The following HLTF variants were observed in gnomAD, a reference collection of about 807,000 sequenced individuals.
HLTF encodes the protein helicase like transcription factor.
HLTF carries 127 observed loss-of-function variants against 129.4 expected under a neutral mutation model. The ratio of observed to expected loss-of-function variants is 0.98; its 90% CI spans 0.85 to 1.14. HLTF has a LOEUF of 1.14. Ranked by LOEUF, HLTF falls within the 50% of genes most tolerant of loss-of-function variation. The probability of loss-of-function intolerance (pLI) is 0.00; values close to 1 mark genes in which losing one functional copy is unlikely to be tolerated. For synonymous variants in HLTF, 332 were observed against 388.8 expected (o/e 0.85, Z 1.72); for missense variants, 1,139 against 1,187.1 (o/e 0.96, Z 0.60).
At chr3:149,032,820 G>A (rs762903392) in intron 24 of HLTF, among the ~76,000 whole-genome samples, 9 of 152,026 alleles carry the variant, frequency 5.9e-5, no homozygotes, top group East Asian at 1.9e-4. Flanking sequence ...AAAGTTAGCC[G>A]GGCATGGTGG....
In HLTF at chr3:149,039,604, C is replaced by T. The variant is rs764911735; in HGVS notation, c.2592G>A (p.Leu864=). ...ACTTAAGTGGTATTTCTATTAAAGA[C>T]AGGAATGTTGTAAACTGAGAAACAA... ...SLVVSQFTTF[L]SLIEIPLKAS... Residue 864 remains leucine, a synonymous_variant, in exon 22 of 25, where the codon CTG becomes CTA. Coordinates refer to ENST00000310053, the MANE Select transcript of HLTF (RefSeq NM_003071.4). The T allele has an allele frequency of 1.9e-6, 3 of 1,565,006 alleles. No individual in the cohort carries two copies. The highest frequency in any genetic ancestry group is 1.8e-5 in the Admixed American group (1 of 57,120).
intron 7 of HLTF, 38 bp from the exon 8 acceptor site, chr3:149,068,373 G>A (rs1300047388): frequency 1.1e-6 from 1 of 947,062 alleles, no homozygotes; most frequent in Non-Finnish European, 1.6e-6. Flanking sequence ...GTCAGATTGT[G>A]AAACCCAGTT....
chr3:149,040,163 A>C lies in HLTF; in HGVS notation c.2377-7T>G. On this transcript the variant is annotated splice_polypyrimidine_tract_variant and splice_region_variant and intron_variant, in intron 20 of 24. Coordinates refer to ENST00000310053, the MANE Select transcript of HLTF (RefSeq NM_003071.4). ...AAGGGCATTTAGCATGTGGCTATAT[A>C]AGAAAGAACGAAGTATGAGCAACAC... is the stretch of plus-strand genomic sequence containing the variant. 6.2e-7 allele frequency: 1 copy of C among 1,602,978 alleles called. No individual in the cohort carries two copies. Among genetic ancestry groups the C allele is most frequent in the African/African-American group, 1.3e-5 (1 of 74,794 alleles).
At position 149,060,868 on chromosome 3, in the gene HLTF, A is replaced by G; in HGVS notation, c.1161-10T>C. On this transcript the variant is annotated splice_polypyrimidine_tract_variant and intron_variant, in intron 10 of 24. Coordinates refer to ENST00000310053, the MANE Select transcript of HLTF (RefSeq NM_003071.4). ...GACAGCAGTTTTTCTTCTAAAATTA[A>G]GTATACACAAAGAAATTTTTGGACC... 1 of 1,588,836 alleles carries G rather than the reference A, an allele frequency of 6.3e-7. No individual in the cohort carries two copies. The highest frequency in any genetic ancestry group is 8.6e-7 in the Non-Finnish European group (1 of 1,162,842).
intron 23 of HLTF, among the ~76,000 whole-genome samples, chr3:149,035,952 G>A (rs1715574660): frequency 6.6e-6 from 1 of 150,986 alleles, no homozygotes; most frequent in Admixed American, 6.6e-5. Flanking sequence ...TGGCTAACAC[G>A]GTGAAACCCC....
At chr3:149,041,011 A>C (rs1716088836) in intron 20 of HLTF, among the ~76,000 whole-genome samples, 1 of 152,170 alleles carries the variant, frequency 6.6e-6, no homozygotes, top group African/African-American at 2.4e-5. Flanking sequence ...AATAGCCAAT[A>C]ATCACATGGG....
intron 10 of HLTF, among the ~76,000 whole-genome samples, chr3:149,061,749 T>C (rs915088363): frequency 6.6e-6 from 1 of 151,534 alleles, no homozygotes; most frequent in African/African-American, 2.4e-5. Flanking sequence ...GGCAGGAGAA[T>C]TGCTTGAACC....
intron 14 of HLTF, among the ~76,000 whole-genome samples, chr3:149,054,097 C>T (rs1254323190): frequency 6.6e-6 from 1 of 151,958 alleles, no homozygotes; most frequent in African/African-American, 2.4e-5. Flanking sequence ...GAAAAAAAGA[C>T]TATAAAGCCA....
Position 149,034,959 on chromosome 3 carries a change from A to G in HLTF, c.2836T>C (p.Cys946Arg), listed in dbSNP as rs1485955325. The G allele has an allele frequency of 1.9e-6, 3 of 1,613,856 alleles. No individual in the cohort carries two copies. The highest frequency in any genetic ancestry group is 2.7e-5 in the African/African-American group (2 of 74,956). Residue 946 changes from cysteine to arginine, a missense_variant, in exon 24 of 25, where the codon TGC (cysteine) becomes CGC (arginine). Physicochemically the swap from Cys to Arg is radical, Grantham distance 180. Transcript: ENST00000310053. Reference sequence around the variant, plus strand: ...TCTTGCTTCTGACCAAGTCTATGGCATCTGTCAAAGCACTGATCTTCAGCA... The same window carrying G: ...TCTTGCTTCTGACCAAGTCTATGGCGTCTGTCAAAGCACTGATCTTCAGCA... ...PAAEDQCFDR[C>R]HRLGQKQEVI...
At chr3:149,042,710 T>C (rs1010464788) in intron 18 of HLTF, among the ~76,000 whole-genome samples, 3 of 152,148 alleles carry the variant, frequency 2.0e-5, no homozygotes, top group Non-Finnish European at 2.9e-5. Context: ...TACAGAAACA[T>C]ACAGGTGCAC....
At chr3:149,041,238 T>G (rs1219090067) in intron 20 of HLTF, among the ~76,000 whole-genome samples, 2 of 152,188 alleles carry the variant, frequency 1.3e-5, no homozygotes, top group African/African-American at 4.8e-5. Context: ...TCTTTGTGTC[T>G]CACATTATCA....
chr3:149,049,569 G>A (rs1186420241), intron 15 of HLTF, among the ~76,000 whole-genome samples: 1 of 152,054 alleles, frequency 6.6e-6, no homozygotes, highest in Non-Finnish European at 1.5e-5. Context: ...TTCAAACTGA[G>A]ATATTAATCA....
chr3:149,044,846 C>G (rs1246358946), intron 18 of HLTF, among the ~76,000 whole-genome samples: 2 of 152,078 alleles, frequency 1.3e-5, no homozygotes, highest in East Asian at 3.9e-4. Context: ...AGAATCTAAT[C>G]ATTTCTCACT....
chr3:149,082,336 G>A lies in HLTF; in HGVS notation c.228+2346C>T, dbSNP rs542598267. Among the ~76,000 whole-genome samples the A allele has an allele frequency of 1.7e-4, 26 of 152,324 alleles. No homozygotes were observed. The South Asian group carries it at 5.4e-3, about 32-fold the overall frequency. ...TAGCCGGGCATGGTGGCAGGCGCCT[G>A]TAGTCCCAGCTACTTGGGAGGCTGA... On this transcript the variant is annotated intron_variant, in intron 2 of 24. Coordinates refer to ENST00000310053, the MANE Select transcript of HLTF (RefSeq NM_003071.4).
Position 149,055,321 on chromosome 3 carries a change from A to C in HLTF, c.1455T>G (p.Ser485=), listed in dbSNP as rs1717329428. ...PRTTLIICPL[S]VLSNWIDQFG... is the part of the protein sequence containing the mutation. ...GACTTACAATCCAGTTGCTTAACAC[A>C]GAAAGCGGACAGATGATCAGTGTTG... The change falls in exon 14 of 25, where the codon TCT becomes TCG. Residue 485 remains serine, a synonymous_variant. Transcript: ENST00000310053. 1 of 1,612,996 alleles carries C rather than the reference A, an allele frequency of 6.2e-7. No individual in the cohort carries two copies. The highest frequency in any genetic ancestry group is 1.1e-5 in the South Asian group (1 of 91,044).
intron 22 of HLTF, 89 bp from the exon 23 acceptor site, chr3:149,039,318 T>G (rs1053471841): frequency 3.3e-5 from 32 of 965,864 alleles, no homozygotes; most frequent in Middle Eastern, 3.2e-4. Flanking sequence ...CTTCAATAAA[T>G]TCTTTCACTC....
chr3:149,063,846 T>C (rs1718147060), intron 9 of HLTF, among the ~76,000 whole-genome samples: 1 of 152,242 alleles, frequency 6.6e-6, no homozygotes, highest in Middle Eastern at 3.4e-3. Flanking sequence ...ATAGGTGCTG[T>C]TATAAATTTA....
rs1256979307 is a variant in HLTF at position 149,074,285 on chromosome 3, T to C, written c.459A>G (p.Lys153=). Residue 153 remains lysine (K), a synonymous_variant, in exon 4 of 25, where the codon AAA becomes AAG. Coordinates refer to ENST00000310053, the MANE Select transcript of HLTF (RefSeq NM_003071.4). ...CTGAAACCGCTTTTCTATTTTCTTC[T>C]TTTCCCCAAAAAGTCATATGCAGAG... ...TMPLHMTFWG[K]EENRKAVSDQ... The C allele has an allele frequency of 1.9e-6, 3 of 1,613,644 alleles. No homozygotes were observed. The highest frequency in any genetic ancestry group is 1.3e-5 in the African/African-American group (1 of 75,034).
chr3:149,053,064 T>C (rs978046938), intron 14 of HLTF, among the ~76,000 whole-genome samples: 3 of 152,228 alleles, frequency 2.0e-5, no homozygotes, highest in Admixed American at 1.3e-4. Context: ...TCTATTCCTT[T>C]ACCTGGATTA....
Sources: gnomAD v4.1 joint callset for allele counts (sites outside exome capture counted in the v4.1 genomes callset) on GRCh38, gnomAD v4.1.1 for gene constraint, MANE v1.5 for transcripts, NCBI Gene and HGNC (gene_info 2026-07-23, HGNC 2026-07-21) for gene names.